Variants in KIF2A observed in about 807,000 individuals in gnomAD.
KIF2A encodes the protein kinesin-like protein KIF2A.
A neutral mutation model predicts 100.2 loss-of-function variants in KIF2A; 22 were observed. That is an observed-to-expected ratio of 0.22 (90% CI 0.16 to 0.31). The LOEUF is 0.31. Among genes scored for constraint, KIF2A ranks in the 10% least tolerant of loss-of-function variants. The probability of loss-of-function intolerance (pLI) is 1.00; values close to 1 mark genes in which losing one functional copy is unlikely to be tolerated. For missense variants in KIF2A, 495 were observed against 898.7 expected, an observed-to-expected ratio of 0.55 and a Z score of 5.74; for synonymous variants, 268 against 285.9, an observed-to-expected ratio of 0.94 and a Z score of 0.63.
At chr5:62,321,559 T>TTGTTTGTTTGTTTGTTTTTAAAGGATAGA (rs1746091732) in intron 1 of KIF2A, among the ~76,000 whole-genome samples, 1 of 152,070 alleles carries the variant, frequency 6.6e-6, no homozygotes, top group African/African-American at 2.4e-5. Context: ...TTTGTTTTGT[T>TTGTTTGTTTGTTTGTTTTTAAAGGATAGA]TGTTTGTTTG....
chr5:62,322,934 TAAA>T (rs200112197), intron 1 of KIF2A, among the ~76,000 whole-genome samples: 2 of 97,998 alleles, frequency 2.0e-5, no homozygotes, highest in Non-Finnish European at 3.9e-5. Context: ...TTCAATTTAG[TAAA>T]AAAAAAAAAA....
chr5:62,333,784 C>T (rs769007152), intron 1 of KIF2A, among the ~76,000 whole-genome samples: 24 of 152,222 alleles, frequency 1.6e-4, no homozygotes, highest in Middle Eastern at 3.4e-3. Flanking sequence ...TTTTGCCCAG[C>T]ATCTGCATTT....
intron 16 of KIF2A, among the ~76,000 whole-genome samples, chr5:62,368,825 A>G (rs1182572083): frequency 6.6e-6 from 1 of 152,098 alleles, no homozygotes; most frequent in Non-Finnish European, 1.5e-5. Context: ...GAACTATTAT[A>G]TTTTGTAAAT....
chr5:62,335,953 G>A (rs940093076), intron 1 of KIF2A, among the ~76,000 whole-genome samples: 1 of 152,134 alleles, frequency 6.6e-6, no homozygotes, highest in African/African-American at 2.4e-5. Context: ...ATATAACAAT[G>A]TAAACTTAGA....
At chr5:62,336,995 A>G (rs1217458081) in intron 1 of KIF2A, among the ~76,000 whole-genome samples, 1 of 152,214 alleles carries the variant, frequency 6.6e-6, no homozygotes, top group Admixed American at 6.5e-5. Flanking sequence ...ACTTTATCTA[A>G]AACTCCTAGA....
intron 1 of KIF2A, among the ~76,000 whole-genome samples, chr5:62,345,222 T>C (rs1005271540): frequency 6.6e-6 from 1 of 152,126 alleles, no homozygotes; most frequent in Non-Finnish European, 1.5e-5. Context: ...ACCCCGTCTC[T>C]ACTAAAAATA....
At chr5:62,339,783 A>G (rs1747189479) in intron 1 of KIF2A, among the ~76,000 whole-genome samples, 2 of 151,196 alleles carry the variant, frequency 1.3e-5, no homozygotes, top group Non-Finnish European at 2.9e-5. Context: ...AAAAACACAC[A>G]GGTCTTAAAA....
intron 1 of KIF2A, among the ~76,000 whole-genome samples, chr5:62,332,949 G>C (rs1746731028): frequency 6.6e-6 from 1 of 152,186 alleles, no homozygotes; most frequent in African/African-American, 2.4e-5. Flanking sequence ...AGAGGCTGTA[G>C]AAATACATTG....
In KIF2A at chr5:62,355,212, T is replaced by C. The variant is rs745682610; in HGVS notation, c.612T>C (p.Phe204=). 2.5e-6 allele frequency: 4 copies of C among 1,601,504 alleles called. No homozygotes were observed. The highest frequency in any genetic ancestry group is 3.4e-6 in the Non-Finnish European group (4 of 1,169,674). ...AAATTATGTGTATGATCAGAGACTT[T>C]AGAGGAAGTTTGGATTATAGACCAT... The part of the protein sequence containing the change: ...NYEIMCMIRD[F]RGSLDYRPLT... The change falls in exon 7 of 21, where the codon TTT becomes TTC. Residue 204 remains phenylalanine (F), a synonymous_variant. Transcript: ENST00000407818.
At chr5:62,349,872 G>A (rs1302089165) in intron 3 of KIF2A, among the ~76,000 whole-genome samples, 194 bp from the exon 4 acceptor site, 5 of 152,036 alleles carry the variant, frequency 3.3e-5, no homozygotes, top group African/African-American at 9.7e-5. Flanking sequence ...ATTTTTGGAG[G>A]GTAGGGGAAA....
At chr5:62,350,912 C>CA (rs34215234) in intron 4 of KIF2A, among the ~76,000 whole-genome samples, 27,274 of 131,422 alleles carry the variant, frequency 0.21, 2,695 homozygotes, top group East Asian at 0.4. Flanking sequence ...ACTCCATCTC[C>CA]AAAAAAAAAA....
chr5:62,347,354 A>G lies in KIF2A; in HGVS notation c.159+130A>G, dbSNP rs1004519318. ...TTTATTATTCCTTGAAAACTTTCAA[A>G]TGATTAAAAATTTTCACTTAAAGGT... On this transcript the variant is annotated intron_variant, in intron 2 of 20. Coordinates refer to ENST00000407818, the MANE Select transcript of KIF2A (RefSeq NM_001098511.3). The G allele has an allele frequency of 4.4e-5, 26 of 585,100 alleles. No individual in the cohort carries two copies. The Admixed American group carries it at 7.9e-4, about 18-fold the overall frequency. The allele number at this position is 585,100 out of a possible 1,614,324, so 36.2% of individuals were successfully genotyped here.
At position 62,389,953 on chromosome 5, in the gene KIF2A, A is replaced by G. The variant is rs1742225267; in HGVS notation, c.*4384A>G. ...GGTCCAGATAAATTTCTAAAAAAGC[A>G]AAGTAGATATTTATGAATAGTATTC... On this transcript the variant is annotated 3_prime_UTR_variant, in exon 21 of 21. Coordinates refer to ENST00000407818, the MANE Select transcript of KIF2A (RefSeq NM_001098511.3). Among the ~76,000 whole-genome samples, 1 of 152,234 alleles carries G rather than the reference A, an allele frequency of 6.6e-6. No individual in the cohort carries two copies. Among genetic ancestry groups the G allele is most frequent in the African/African-American group, 2.4e-5 (1 of 41,472 alleles).
Position 62,364,151 on chromosome 5 carries a change from G to GT in KIF2A, c.1467+266dup, listed in dbSNP as rs760117138. On this transcript the variant is annotated intron_variant, in intron 14 of 20. Coordinates refer to ENST00000407818, the MANE Select transcript of KIF2A (RefSeq NM_001098511.3). ...GGGGCTACATAGGTAAACTCCAGAG[G>GT]TTTTTTTTTTTTTTGAGACTGTGTC... Among the ~76,000 whole-genome samples the GT allele has an allele frequency of 0.012, 1,700 of 142,942 alleles. 5 individuals are homozygous for GT. The highest frequency in any genetic ancestry group is 0.013 in the Non-Finnish European group (839 of 64,806). The allele number at this position is 142,942 out of a possible 152,430, so 93.8% of individuals were successfully genotyped here.
chr5:62,357,462 G>A (rs1467178117), intron 7 of KIF2A, among the ~76,000 whole-genome samples: 1 of 152,014 alleles, frequency 6.6e-6, no homozygotes, highest in Non-Finnish European at 1.5e-5. Context: ...TAAAGTGATG[G>A]TTTTCCAAAT....
intron 9 of KIF2A, among the ~76,000 whole-genome samples, chr5:62,360,373 T>A (rs2111950188): frequency 6.6e-6 from 1 of 152,194 alleles, no homozygotes; most frequent in East Asian, 1.9e-4. Context: ...TAGCAGTGGG[T>A]TATACCAATA....
rs1262258065 is a variant in KIF2A at position 62,388,833 on chromosome 5, T to G, written c.*3264T>G. On this transcript the variant is annotated 3_prime_UTR_variant, in exon 21 of 21. Coordinates refer to ENST00000407818, the MANE Select transcript of KIF2A (RefSeq NM_001098511.3). Reference sequence around the variant, plus strand: ...CATTATATATTAAAAACTTTGATACTTAGAACTTTCCAACTTTAAAATTCA... The same window carrying G: ...CATTATATATTAAAAACTTTGATACGTAGAACTTTCCAACTTTAAAATTCA... 1.6e-6 allele frequency: 1 copy of G among 639,404 alleles called. No homozygotes were observed. The highest frequency in any genetic ancestry group is 2.8e-6 in the Non-Finnish European group (1 of 362,856). 39.6% of individuals were successfully genotyped at this position (639,404 alleles called of 1,614,324 possible).
intron 16 of KIF2A, among the ~76,000 whole-genome samples, chr5:62,372,225 G>T (rs1312926745): frequency 6.6e-6 from 1 of 152,146 alleles, no homozygotes; most frequent in East Asian, 1.9e-4. Flanking sequence ...AGAAAGGAAA[G>T]ACTTAGGACT....
In KIF2A at chr5:62,388,896, A is replaced by T. The variant is rs1233472622; in HGVS notation, c.*3327A>T. 1 of 1,024,728 alleles carries T rather than the reference A, an allele frequency of 9.8e-7. No individual in the cohort carries two copies. Among genetic ancestry groups the T allele is most frequent in the Non-Finnish European group, 1.5e-6 (1 of 686,218 alleles). The allele number at this position is 1,024,728 out of a possible 1,614,324, so 63.5% of individuals were successfully genotyped here. ...GTGACAACAGTAGTAGTATTGAACC[A>T]AAAATAGTCAAGTAAATAATGTCTC... On this transcript the variant is annotated 3_prime_UTR_variant, in exon 21 of 21. Coordinates refer to ENST00000407818, the MANE Select transcript of KIF2A (RefSeq NM_001098511.3).
Sources: allele counts gnomAD v4.1 joint callset (sites outside exome capture counted in the v4.1 genomes callset), GRCh38; gene constraint gnomAD v4.1.1; transcripts MANE v1.5; gene names NCBI Gene and HGNC (gene_info 2026-07-23, HGNC 2026-07-21).